Variants in PROX1 observed in about 807,000 individuals in gnomAD.
The protein encoded by PROX1 is prospero homeobox 1.
PROX1 carries 7 observed loss-of-function variants against 58.8 expected under a neutral mutation model. That is an observed-to-expected ratio of 0.12 (90% CI 0.07 to 0.22). The LOEUF (loss-of-function observed/expected upper bound fraction) is 0.22, where lower values mean the gene tolerates loss of function less well. Ranked by LOEUF, PROX1 falls within the 10% of genes least tolerant of loss-of-function variation. The pLI is 1.00. For missense variants in PROX1, 675 were observed against 927.8 expected (o/e 0.73, Z 3.54); for synonymous variants, 350 against 358.3 (o/e 0.98, Z 0.26).
chr1:214,005,152 A>T lies in PROX1; in HGVS notation c.1726-13A>T, dbSNP rs1663661669. On this transcript the variant is annotated splice_polypyrimidine_tract_variant and intron_variant, in intron 2 of 4. Coordinates refer to ENST00000366958, the MANE Select transcript of PROX1 (RefSeq NM_001270616.2). ...CTTACAGAATTGCTTTTCCTTAACC[A>T]ATTGCATCCTACATGCAGGAAGGAT... 1 of 1,606,418 alleles carries T rather than the reference A, an allele frequency of 6.2e-7. No individual in the cohort carries two copies. The highest frequency in any genetic ancestry group is 1.1e-5 in the South Asian group (1 of 90,888).
intron 2 of PROX1, among the ~76,000 whole-genome samples, chr1:214,001,898 C>G (rs1663526181): frequency 6.6e-6 from 1 of 152,044 alleles, no homozygotes; most frequent in African/African-American, 2.4e-5. Context: ...ACACAGCCCT[C>G]CGATTATGGT....
intron 4 of PROX1, among the ~76,000 whole-genome samples, chr1:214,019,632 A>G (rs984235695): frequency 3.9e-5 from 6 of 152,138 alleles, no homozygotes; most frequent in Admixed American, 1.3e-4. Flanking sequence ...CTGTGTGCGC[A>G]TTACAGGCCT....
Position 214,006,456 on chromosome 1 carries a change from C to T in PROX1, c.1833+1184C>T, listed in dbSNP as rs193098052. On this transcript the variant is annotated intron_variant, in intron 3 of 4. Coordinates refer to ENST00000366958, the MANE Select transcript of PROX1 (RefSeq NM_001270616.2). ...CTGGCTGTGCTCCTTAAGTGGAAGG[C>T]TTGTTTTCTCCTTGTTCAGCACCAG... Among the ~76,000 whole-genome samples the T allele has an allele frequency of 3.6e-3, 545 of 152,286 alleles. 13 individuals carry two copies. The highest frequency in any genetic ancestry group is 0.031 in the Admixed American group (479 of 15,286).
At chr1:214,017,117 T>G (rs1208230697) in intron 4 of PROX1, among the ~76,000 whole-genome samples, 1 of 152,272 alleles carries the variant, frequency 6.6e-6, no homozygotes, top group South Asian at 2.1e-4. Context: ...ATTATACAGC[T>G]TTCAATAGCA....
intron 4 of PROX1, among the ~76,000 whole-genome samples, chr1:214,032,664 C>A (rs960704586): frequency 6.6e-6 from 1 of 152,080 alleles, no homozygotes; most frequent in African/African-American, 2.4e-5. Flanking sequence ...CACTCTAGAG[C>A]AATATGGAGT....
intron 4 of PROX1, among the ~76,000 whole-genome samples, chr1:214,018,629 C>T (rs756680991): frequency 1.6e-4 from 25 of 152,194 alleles, no homozygotes; most frequent in Admixed American, 6.5e-4. Flanking sequence ...ATCGTTCTTC[C>T]GAGGAGAGCA....
chr1:214,035,535 C>A, intron 4 of PROX1, 114 bp from the exon 5 acceptor site: 1 of 970,694 alleles, frequency 1.0e-6, no homozygotes, highest in Non-Finnish European at 1.5e-6. Flanking sequence ...TTAGAAAATG[C>A]AGGTGCCATG....
intron 4 of PROX1, 111 bp downstream of exon 4, chr1:214,011,826 T>TCC: frequency 1.1e-6 from 1 of 876,226 alleles, no homozygotes. Context: ...CATACAAGCA[T>TCC]CCCCCAATAG....
chr1:213,993,974 G>A (rs1663132343), intron 1 of PROX1, among the ~76,000 whole-genome samples: 1 of 152,196 alleles, frequency 6.6e-6, no homozygotes, highest in African/African-American at 2.4e-5. Context: ...GTTCTTAACA[G>A]ACTCCACAAG....
chr1:214,015,822 C>T (rs1366151910), intron 4 of PROX1, among the ~76,000 whole-genome samples: 1 of 152,186 alleles, frequency 6.6e-6, no homozygotes, highest in Non-Finnish European at 1.5e-5. Flanking sequence ...TTCCAGGGTA[C>T]CGGGAGGTAG....
At chr1:214,015,694 G>A (rs1428556119) in intron 4 of PROX1, among the ~76,000 whole-genome samples, 1 of 152,028 alleles carries the variant, frequency 6.6e-6, no homozygotes, top group Non-Finnish European at 1.5e-5. Flanking sequence ...GCAGCTATAT[G>A]TGCAGCTGCG....
rs1028747920 is a variant in PROX1, at chr1:213,988,248, C to G, written c.-303C>G. 6.6e-6 allele frequency: 1 copy of G among 152,606 alleles called. No individual in the cohort carries two copies. Among genetic ancestry groups the G allele is most frequent in the Non-Finnish European group, 1.5e-5 (1 of 68,582 alleles). 9.5% of individuals were successfully genotyped at this position (152,606 alleles called of 1,614,324 possible). ...CTGCTCCTCTTCTCTCGTCTCCCCTCCCCTCCCGCCTCTCTCTCCCCTCTC... is the reference window on the plus strand; with the variant it reads ...CTGCTCCTCTTCTCTCGTCTCCCCTGCCCTCCCGCCTCTCTCTCCCCTCTC... On this transcript the variant is annotated 5_prime_UTR_variant, in exon 1 of 5. Transcript: ENST00000366958.
At chr1:213,989,136 C>G (rs1276766060) in intron 1 of PROX1, among the ~76,000 whole-genome samples, 2 of 152,014 alleles carry the variant, frequency 1.3e-5, no homozygotes, top group Admixed American at 6.6e-5. Flanking sequence ...GGACCGGGAA[C>G]TGGGAGGAGG....
chr1:214,008,940 T>C (rs907764144), intron 3 of PROX1, among the ~76,000 whole-genome samples: 2 of 152,202 alleles, frequency 1.3e-5, no homozygotes, highest in African/African-American at 2.4e-5. Context: ...GTGAGAGAGC[T>C]GCCAGGGATC....
At chr1:214,005,402 C>T in intron 3 of PROX1, 130 bp downstream of exon 3, 1 of 707,788 alleles carries the variant, frequency 1.4e-6, no homozygotes, top group Admixed American at 2.9e-5. Context: ...TGATTTAATG[C>T]ACTTGTCTTT....
intron 3 of PROX1, among the ~76,000 whole-genome samples, chr1:214,008,499 A>T (rs983974569): frequency 1.3e-5 from 2 of 152,228 alleles, no homozygotes; most frequent in Non-Finnish European, 2.9e-5. Context: ...GTAATGGTCC[A>T]TCAAAGCCAC....
Position 214,037,799 on chromosome 1 carries a change from AT to A in PROX1, c.*1967del, listed in dbSNP as rs1664877769. The A allele has an allele frequency of 6.6e-6, 1 of 152,252 alleles. No homozygotes were observed. Among genetic ancestry groups the A allele is most frequent in the Non-Finnish European group, 1.5e-5 (1 of 68,042 alleles). The allele number at this position is 152,252 out of a possible 1,614,324, so 9.4% of individuals were successfully genotyped here. ...AAAAAGCAGTTTGGATAATCATGAC[AT>A]TGGAATAAAGTGGGAAGGAAAAATT... On this transcript the variant is annotated 3_prime_UTR_variant, in exon 5 of 5. Transcript: ENST00000366958.
intron 2 of PROX1, among the ~76,000 whole-genome samples, chr1:214,003,976 T>TGTGTGTGTGTG (rs11399035): frequency 0.012 from 1,860 of 152,086 alleles, 34 homozygotes; most frequent in African/African-American, 0.042. Context: ...GTGAGTGTGT[T>TGTGTGTGTGTG]TGTGTGTGTG....
chr1:214,036,860 C>T lies in PROX1; in HGVS notation c.*1026C>T, dbSNP rs1455355678. On this transcript the variant is annotated 3_prime_UTR_variant, in exon 5 of 5. Transcript: ENST00000366958. ...AAGTTTGTTGACAGCCATTAGCTGA[C>T]TTGATCGTCATCTCCTAAGAGGAAC... 3 of 152,250 alleles carry T rather than the reference C, an allele frequency of 2.0e-5. No homozygotes were observed. Among genetic ancestry groups the T allele is most frequent in the African/African-American group, 7.2e-5 (3 of 41,476 alleles). The allele number at this position is 152,250 out of a possible 1,614,324, so 9.4% of individuals were successfully genotyped here. A position where few individuals can be genotyped will look rare whatever the true frequency, so the allele number is the denominator to read the frequency against.
Sources: allele counts gnomAD v4.1 joint callset (sites outside exome capture counted in the v4.1 genomes callset), GRCh38; gene constraint gnomAD v4.1.1; transcripts MANE v1.5; gene names NCBI Gene and HGNC (gene_info 2026-07-23, HGNC 2026-07-21).